Variants in FRMD4A observed in about 807,000 individuals in gnomAD.
FRMD4A encodes FERM domain containing 4A.
Under a neutral mutation model 129.1 loss-of-function variants are expected in FRMD4A, and 29 were observed. The observed-to-expected ratio is 0.22, with a 90% confidence interval of 0.17 to 0.31. FRMD4A has a LOEUF of 0.31. FRMD4A is among the 10% of genes least tolerant of loss of function. FRMD4A has a pLI of 1.00. For missense variants in FRMD4A, 1,272 were observed against 1,375.8 expected (o/e 0.92, Z 1.19); for synonymous variants, 634 against 571.6 (o/e 1.11, Z -1.56).
intron 2 of FRMD4A, among the ~76,000 whole-genome samples, chr10:14,271,329 G>A (rs1265734085): frequency 6.6e-6 from 1 of 152,252 alleles, no homozygotes; most frequent in Non-Finnish European, 1.5e-5. Flanking sequence ...GGTCCGGGTT[G>A]CAGGTGGCTG....
intron 2 of FRMD4A, among the ~76,000 whole-genome samples, chr10:14,242,334 G>A (rs1281418986): frequency 3.3e-5 from 5 of 152,106 alleles, no homozygotes; most frequent in Non-Finnish European, 5.9e-5. Context: ...AAAGTCAGAC[G>A]CTAACTCAAA....
chr10:13,845,388 C>G (rs936828700), intron 3 of FRMD4A, among the ~76,000 whole-genome samples: 38 of 152,150 alleles, frequency 2.5e-4, no homozygotes, highest in African/African-American at 8.9e-4. Context: ...GGACTGTCAA[C>G]CCATCACTTT....
At chr10:14,293,310 G>T (rs1048411396) in intron 2 of FRMD4A, among the ~76,000 whole-genome samples, 1 of 152,066 alleles carries the variant, frequency 6.6e-6, no homozygotes, top group Non-Finnish European at 1.5e-5. Flanking sequence ...TCCACCACAG[G>T]ATGATGCAAC....
chr10:13,700,735 G>C lies in FRMD4A; in HGVS notation c.975+605C>G, dbSNP rs76726106. ...CAGAAAACGCAGCTGCGTGCCCAGA[G>C]TCAGGGGTGGTGACATCTCCTTGGA... On this transcript the variant is annotated intron_variant, in intron 14 of 24. Coordinates refer to ENST00000357447, the MANE Select transcript of FRMD4A (RefSeq NM_018027.5). 3.9e-3 allele frequency among the ~76,000 whole-genome samples: 594 copies of C among 151,324 alleles called. 2 individuals carry two copies. The highest frequency in any genetic ancestry group is 0.013 in the African/African-American group (557 of 41,288).
intron 2 of FRMD4A, among the ~76,000 whole-genome samples, chr10:14,212,340 C>G (rs1320042958): frequency 6.6e-6 from 1 of 152,154 alleles, no homozygotes; most frequent in Non-Finnish European, 1.5e-5. Flanking sequence ...GGAACAGCTC[C>G]CATTATCCTT....
At chr10:13,696,219 T>A (rs1051066909) in intron 14 of FRMD4A, among the ~76,000 whole-genome samples, 4 of 152,232 alleles carry the variant, frequency 2.6e-5, no homozygotes, top group Admixed American at 6.5e-5. Context: ...AAAGGGCTTT[T>A]TATTTCATTT....
At chr10:14,166,197 A>G (rs1007393427) in intron 2 of FRMD4A, among the ~76,000 whole-genome samples, 2 of 150,540 alleles carry the variant, frequency 1.3e-5, no homozygotes, top group Non-Finnish European at 3.0e-5. Flanking sequence ...TAATAAATAT[A>G]TGAATAAATA....
intron 2 of FRMD4A, among the ~76,000 whole-genome samples, chr10:14,020,532 G>T (rs1832694185): frequency 6.6e-6 from 1 of 152,138 alleles, no homozygotes; most frequent in South Asian, 2.1e-4. Context: ...AGCAAGACTG[G>T]GAGAGGACAC....
At chr10:13,956,550 T>C (rs762671417) in intron 2 of FRMD4A, among the ~76,000 whole-genome samples, 4 of 152,212 alleles carry the variant, frequency 2.6e-5, no homozygotes, top group Non-Finnish European at 2.9e-5. Context: ...GCCAAGTCCA[T>C]GCACGGGTAA....
intron 2 of FRMD4A, among the ~76,000 whole-genome samples, chr10:14,152,507 T>G (rs1240947049): frequency 2.6e-5 from 4 of 152,162 alleles, no homozygotes; most frequent in African/African-American, 9.7e-5. Flanking sequence ...CTGACCAGCA[T>G]GTTGGTTGCA....
At chr10:13,878,502 C>T (rs147037784) in intron 2 of FRMD4A, among the ~76,000 whole-genome samples, 2,057 of 152,260 alleles carry the variant, frequency 0.014, 32 homozygotes, top group East Asian at 0.066. Flanking sequence ...CCTGTAATCC[C>T]AGCACTTTGG....
In FRMD4A at chr10:13,868,530, C is replaced by T. The variant is rs763589328; in HGVS notation, c.46-9618G>A. Among the ~76,000 whole-genome samples, 38 of 152,078 alleles carry T rather than the reference C, an allele frequency of 2.5e-4. 1 individual carries two copies. Among genetic ancestry groups the T allele is most frequent in the Middle Eastern group, 3.2e-3 (1 of 314 alleles). Reference sequence around the variant, plus strand: ...AAACATACGCAGGTGTGGCCAGGCACGGCGGCTCACTACTGTAATGCCAGC... The same window carrying T: ...AAACATACGCAGGTGTGGCCAGGCATGGCGGCTCACTACTGTAATGCCAGC... On this transcript the variant is annotated intron_variant, in intron 2 of 24. Transcript: ENST00000357447.
intron 2 of FRMD4A, among the ~76,000 whole-genome samples, chr10:14,024,609 A>G (rs1832906898): frequency 6.6e-6 from 1 of 152,260 alleles, no homozygotes; most frequent in South Asian, 2.1e-4. Context: ...GAAACTGTAC[A>G]AGGATATTTT....
chr10:13,647,590 T>C (rs983983005), intron 24 of FRMD4A: 53 of 152,206 alleles, frequency 3.5e-4, no homozygotes, highest in African/African-American at 1.3e-3. Flanking sequence ...ATAGTGAAAC[T>C]GCGGTGGTAT....
chr10:14,185,519 TG>T (rs1251238007), intron 2 of FRMD4A, among the ~76,000 whole-genome samples: 3 of 149,580 alleles, frequency 2.0e-5, no homozygotes, highest in Non-Finnish European at 1.5e-5. Context: ...TTTGGAGGTT[TG>T]TTGTAGAACT....
chr10:14,178,353 A>G (rs958442002), intron 2 of FRMD4A, among the ~76,000 whole-genome samples: 7 of 152,242 alleles, frequency 4.6e-5, no homozygotes. Flanking sequence ...CAGGAAACCA[A>G]TATTCATTGA....
intron 3 of FRMD4A, among the ~76,000 whole-genome samples, chr10:13,822,001 G>A (rs1377628286): frequency 6.6e-6 from 1 of 151,954 alleles, no homozygotes; most frequent in Non-Finnish European, 1.5e-5. Context: ...AAGAAACAAA[G>A]TACATCAAGG....
chr10:13,773,307 G>T (rs553983787), intron 6 of FRMD4A, among the ~76,000 whole-genome samples: 10 of 152,188 alleles, frequency 6.6e-5, no homozygotes, highest in Non-Finnish European at 1.3e-4. Context: ...TTCAGTCCAC[G>T]CTGGAGACTT....
intron 2 of FRMD4A, among the ~76,000 whole-genome samples, chr10:13,965,065 A>ATT (rs398012865): frequency 0.12 from 16,501 of 141,004 alleles, 1,134 homozygotes; most frequent in East Asian, 0.34. Context: ...ACCACTGGGC[A>ATT]TTTTTTTTTT....
Sources: allele counts gnomAD v4.1 joint callset (sites outside exome capture counted in the v4.1 genomes callset), GRCh38; gene constraint gnomAD v4.1.1; transcripts MANE v1.5; gene names NCBI Gene and HGNC (gene_info 2026-07-23, HGNC 2026-07-21).